The following LCOR variants were observed in gnomAD, a reference collection of about 807,000 sequenced individuals.
The protein encoded by LCOR is ligand dependent nuclear receptor corepressor.
In LCOR, 14 loss-of-function variants were observed where a neutral mutation model predicts 64.4. The observed-to-expected ratio is 0.22, with a 90% CI of 0.14 to 0.34. The LOEUF is 0.34. LCOR is among the 10% of genes least tolerant of loss of function. The pLI is 1.00. For missense variants in LCOR, 1,686 were observed against 1,765.3 expected (o/e 0.96, Z 0.80); for synonymous variants, 643 against 642.5 (o/e 1.00, Z -0.01).
At chr10:96,847,926 C>A (rs921851328) in intron 2 of LCOR, among the ~76,000 whole-genome samples, 1 of 152,126 alleles carries the variant, frequency 6.6e-6, no homozygotes, top group Non-Finnish European at 1.5e-5. Flanking sequence ...TTTTTTCCCC[C>A]CTTTTCCTGA....
chr10:96,958,475 C>A, intron 7 of LCOR: 1 of 934,736 alleles, frequency 1.1e-6, no homozygotes, highest in Non-Finnish European at 1.7e-6. Flanking sequence ...TTTAAGAGAA[C>A]TTGTATTGTG....
In LCOR at chr10:96,833,488, C is replaced by T. The variant is rs968484835; in HGVS notation, c.-330+9C>T. On this transcript the variant is annotated intron_variant, in intron 2 of 7. Coordinates refer to ENST00000421806, the MANE Select transcript of LCOR (RefSeq NM_001346516.2). ...TAACCCCCCTCCAAAAAGTAAGTGGCCCGTGTGGTGTCTCCGCTCCGCCCG... is the reference window on the plus strand; with the variant it reads ...TAACCCCCCTCCAAAAAGTAAGTGGTCCGTGTGGTGTCTCCGCTCCGCCCG... 1.0e-6 allele frequency: 1 copy of T among 983,672 alleles called. No homozygotes were observed. Among genetic ancestry groups the T allele is most frequent in the Non-Finnish European group, 1.2e-6 (1 of 827,908 alleles). 60.9% of individuals were successfully genotyped at this position (983,672 alleles called of 1,614,324 possible).
Position 96,916,578 on chromosome 10 carries a change from A to G in LCOR, c.-184+8831A>G, listed in dbSNP as rs191906775. On this transcript the variant is annotated intron_variant, in intron 4 of 7. Coordinates refer to ENST00000421806, the MANE Select transcript of LCOR (RefSeq NM_001346516.2). ...AGTGAGAAAGAAACACATATGAGAT[A>G]TTTAAAGGCTATATATATATATATA... 3.6e-3 allele frequency among the ~76,000 whole-genome samples: 509 copies of G among 141,228 alleles called. 1 individual carries two copies. The highest frequency in any genetic ancestry group is 5.5e-3 in the Non-Finnish European group (367 of 66,972). 92.7% of individuals were successfully genotyped at this position (141,228 alleles called of 152,430 possible).
intron 7 of LCOR, chr10:96,955,016 A>G: frequency 1.9e-6 from 3 of 1,614,140 alleles, no homozygotes; most frequent in South Asian, 1.1e-5. Flanking sequence ...GGGTACCTCC[A>G]AGAAGCTTAC....
chr10:96,967,184 C>T (rs561883170), intron 7 of LCOR, among the ~76,000 whole-genome samples: 125 of 152,310 alleles, frequency 8.2e-4, no homozygotes, highest in African/African-American at 2.8e-3. Flanking sequence ...GACTGGAATG[C>T]AGTGGTGCGA....
In LCOR at chr10:96,983,107, A is replaced by G. The variant is rs1848108828; in HGVS notation, c.2647A>G (p.Thr883Ala). 4 of 1,613,418 alleles carry G rather than the reference A, an allele frequency of 2.5e-6. No homozygotes were observed. The highest frequency in any genetic ancestry group is 1.7e-5 in the Admixed American group (1 of 59,976). ...TTTCCACACGGAAACTCTGGAGGACACAGAAAAGCCAAGTGTCAATGAACG... is the reference window on the plus strand; with the variant it reads ...TTTCCACACGGAAACTCTGGAGGACGCAGAAAAGCCAAGTGTCAATGAACG... Reference protein sequence around the residue: ...DSFHTETLEDTEKPSVNERPS... With the variant: ...DSFHTETLEDAEKPSVNERPS... Residue 883 changes from threonine to alanine, a missense_variant, in exon 8 of 8, where the codon ACA (threonine) becomes GCA (alanine). Physicochemically the swap from Thr to Ala is moderately conservative, Grantham distance 58. Around this residue, in one of 3 missense-constraint regions of LCOR, gnomAD observed 1,293 missense variants for 1,410.4 expected, o/e 0.92. Transcript: ENST00000421806. The surrounding 1 kb of genome is among the most constrained non-coding windows in gnomAD (Gnocchi z 4.5).
chr10:96,845,449 C>CTTTTT lies in LCOR; in HGVS notation c.-330+12003_-330+12007dup, dbSNP rs762639752. On this transcript the variant is annotated intron_variant, in intron 2 of 7. Transcript: ENST00000421806. ...TTTGCCTCTTATAAATGGGCTTATC[C>CTTTTT]TTTTTTTTTTTTTTTTTTTTTTTTT... Among the ~76,000 whole-genome samples the CTTTTT allele has an allele frequency of 2.1e-4, 10 of 48,688 alleles. 3 individuals carry two copies. In the South Asian group the frequency reaches 2.8e-3, roughly 13 times the overall value. The allele number at this position is 48,688 out of a possible 152,430, so 31.9% of individuals were successfully genotyped here. A position where few individuals can be genotyped will look rare whatever the true frequency, so the allele number is the denominator to read the frequency against.
intron 2 of LCOR, among the ~76,000 whole-genome samples, chr10:96,850,920 A>G (rs751170007): frequency 2.0e-5 from 3 of 152,244 alleles, no homozygotes; most frequent in African/African-American, 4.8e-5. Context: ...GATACTGACT[A>G]CAGCTGATGC....
At chr10:96,922,214 A>AG (rs1407331009) in intron 4 of LCOR, among the ~76,000 whole-genome samples, 1 of 151,684 alleles carries the variant, frequency 6.6e-6, no homozygotes, top group African/African-American at 2.4e-5. Context: ...AAATTTCCTA[A>AG]GTTTTTTTTT....
chr10:96,867,629 C>G (rs1255516765), intron 2 of LCOR, among the ~76,000 whole-genome samples: 1 of 151,934 alleles, frequency 6.6e-6, no homozygotes, highest in Non-Finnish European at 1.5e-5. Flanking sequence ...TGTGGTGGCT[C>G]ACATCTGTAA....
chr10:96,907,582 TG>T lies in LCOR; in HGVS notation c.-263-85del, dbSNP rs751567753. 1.1e-4 allele frequency: 60 copies of T among 529,924 alleles called. 1 individual carries two copies. In the South Asian group the frequency reaches 1.8e-3, roughly 16 times the overall value. The allele number at this position is 529,924 out of a possible 1,614,324, so 32.8% of individuals were successfully genotyped here. ...AATATGGCCTAACTACTTAGTTTTTTGTTAAACAATATTTTTGAAATTAATT... is the reference window on the plus strand; with the variant it reads ...AATATGGCCTAACTACTTAGTTTTTTTTAAACAATATTTTTGAAATTAATT... On this transcript the variant is annotated intron_variant, in intron 3 of 7. Coordinates refer to ENST00000421806, the MANE Select transcript of LCOR (RefSeq NM_001346516.2).
chr10:96,843,439 G>A (rs12246067), intron 2 of LCOR, among the ~76,000 whole-genome samples: 21,028 of 152,068 alleles, frequency 0.14, 1,975 homozygotes, highest in African/African-American at 0.26. Flanking sequence ...CAATGCAAGC[G>A]TATTTTCTAG....
At chr10:96,944,340 A>G (rs1847550239) in intron 5 of LCOR, 95 bp downstream of exon 5, 2 of 631,880 alleles carry the variant, frequency 3.2e-6, no homozygotes, top group Non-Finnish European at 3.9e-6. Context: ...TCTTAAAAAC[A>G]TTTTTCTTTA....
chr10:96,903,820 A>T (rs890979086), intron 2 of LCOR, among the ~76,000 whole-genome samples: 1 of 152,216 alleles, frequency 6.6e-6, no homozygotes, highest in African/African-American at 2.4e-5. Flanking sequence ...CTAATCAGGC[A>T]TGTGAAGCCT....
At position 96,958,449 on chromosome 10, in the gene LCOR, C is replaced by A. The variant is rs1235744216; in HGVS notation, c.332+6253C>A. ...GAGCAGCAGAAGAATGGTGTGCCTA[C>A]CCTTTAATGCTGCAGTTTAAGAGAA... On this transcript the variant is annotated intron_variant, in intron 7 of 7. Coordinates refer to ENST00000421806, the MANE Select transcript of LCOR (RefSeq NM_001346516.2). 7 of 1,140,864 alleles carry A rather than the reference C, an allele frequency of 6.1e-6. No individual in the cohort carries two copies. The Admixed American group carries it at 1.2e-4, about 19-fold the overall frequency. The allele number at this position is 1,140,864 out of a possible 1,614,324, so 70.7% of individuals were successfully genotyped here.
At chr10:96,933,684 T>C (rs1847301877) in intron 4 of LCOR, among the ~76,000 whole-genome samples, 1 of 152,162 alleles carries the variant, frequency 6.6e-6, no homozygotes, top group African/African-American at 2.4e-5. Flanking sequence ...CACGCCTGCC[T>C]AATTTTTGTA....
At chr10:96,976,269 C>T (rs760571658) in intron 7 of LCOR, among the ~76,000 whole-genome samples, 92 of 152,190 alleles carry the variant, frequency 6.0e-4, no homozygotes, top group Admixed American at 1.2e-3. Context: ...TTTCATTCTC[C>T]TGAGCTTCCA....
chr10:96,971,157 C>T (rs1193277360), intron 7 of LCOR, among the ~76,000 whole-genome samples: 3 of 152,200 alleles, frequency 2.0e-5, no homozygotes, highest in African/African-American at 7.2e-5. Context: ...AGAGAGCACA[C>T]TTGGACTGCC....
intron 4 of LCOR, among the ~76,000 whole-genome samples, chr10:96,933,378 T>C (rs1185022597): frequency 6.6e-6 from 1 of 152,218 alleles, no homozygotes; most frequent in Non-Finnish European, 1.5e-5. Flanking sequence ...AAAATGAAAC[T>C]ATAGATGATT....
Sources: gnomAD v4.1 joint callset for allele counts (sites outside exome capture counted in the v4.1 genomes callset) on GRCh38, gnomAD v4.1.1 for gene constraint, gnomAD v4.1.1 regional missense constraint, Gnocchi (gnomAD v3.1) non-coding constraint, MANE v1.5 for transcripts, NCBI Gene and HGNC (gene_info 2026-07-23, HGNC 2026-07-21) for gene names.